DENND1A: variants seen among roughly 807,000 people sequenced by gnomAD.
DENND1A encodes DENN domain-containing protein 1A.
In DENND1A, 51 loss-of-function variants were observed where a neutral mutation model predicts 113.7. The observed-to-expected ratio is 0.45, with a 90% CI of 0.36 to 0.57. The LOEUF is 0.57. Among genes scored for constraint, DENND1A ranks in the 20% least tolerant of loss-of-function variants. The probability of loss-of-function intolerance (pLI) is 0.00; values close to 1 mark genes in which losing one functional copy is unlikely to be tolerated. For synonymous variants in DENND1A, 565 were observed against 570.8 expected (o/e 0.99, Z 0.14); for missense variants, 1,258 against 1,395.9 (o/e 0.90, Z 1.57).
intron 1 of DENND1A, among the ~76,000 whole-genome samples, chr9:123,927,834 G>C (rs1588298040): frequency 6.6e-6 from 1 of 152,188 alleles, no homozygotes; most frequent in African/African-American, 2.4e-5. Context: ...AGGAGGGAAA[G>C]CCAGCCAGTA....
intron 13 of DENND1A, among the ~76,000 whole-genome samples, chr9:123,547,437 G>C (rs956451314): frequency 6.6e-6 from 1 of 152,226 alleles, no homozygotes; most frequent in Non-Finnish European, 1.5e-5. Flanking sequence ...GCTGAGGCAG[G>C]AGAATCACTT....
chr9:123,927,079 T>C (rs913702769), intron 1 of DENND1A, among the ~76,000 whole-genome samples: 5 of 152,140 alleles, frequency 3.3e-5, no homozygotes, highest in Admixed American at 6.5e-5. Flanking sequence ...GGTTAATAAA[T>C]AGCATCGCCA....
intron 10 of DENND1A, among the ~76,000 whole-genome samples, chr9:123,626,223 G>A (rs865814269): frequency 9.2e-5 from 14 of 152,124 alleles, no homozygotes; most frequent in Admixed American, 3.9e-4. Context: ...CACATCTGGC[G>A]TGTGGTGTGT....
chr9:123,789,269 A>G (rs1832656422), intron 3 of DENND1A, among the ~76,000 whole-genome samples: 1 of 152,094 alleles, frequency 6.6e-6, no homozygotes, highest in African/African-American at 2.4e-5. Flanking sequence ...AAAATGGGGC[A>G]CAGAGAAATC....
At chr9:123,805,437 A>ATTT (rs569118785) in intron 2 of DENND1A, among the ~76,000 whole-genome samples, 3 of 145,862 alleles carry the variant, frequency 2.1e-5, no homozygotes, top group Admixed American at 6.9e-5. Flanking sequence ...AATTTATACA[A>ATTT]TTTTTTTTTT....
chr9:123,583,206 G>A lies in DENND1A; in HGVS notation c.830C>T (p.Thr277Ile), dbSNP rs757114466. 1 of 1,612,820 alleles carries A rather than the reference G, an allele frequency of 6.2e-7. No individual in the cohort carries two copies. Among genetic ancestry groups the A allele is most frequent in the Admixed American group, 1.7e-5 (1 of 59,916 alleles). ...ILNVDTNTLE[T>I]PFDDLQSLPN... ...GAGGCTCTGGAGGTCATCGAAGGGG[G>A]TTTCCAGGGTGTTGGTGTCCACATT... The change falls in exon 12 of 24, where the codon ACC becomes ATC. Residue 277 changes from threonine (T) to isoleucine (I), a missense_variant. Physicochemically the swap from Thr to Ile is moderately conservative, Grantham distance 89 (BLOSUM62 -1). Around this residue, in one of 2 missense-constraint regions of DENND1A, gnomAD observed 1,159 missense variants for 1,231.7 expected, o/e 0.94. Transcript: ENST00000394215.
intron 2 of DENND1A, among the ~76,000 whole-genome samples, chr9:123,875,898 C>G (rs1299328332): frequency 2.0e-5 from 3 of 152,172 alleles, no homozygotes; most frequent in Non-Finnish European, 2.9e-5. Context: ...AGCATCAGGC[C>G]AAGGCAGGGG....
intron 17 of DENND1A, 52 bp from the exon 18 acceptor site, chr9:123,450,801 A>T (rs1322145182): frequency 6.8e-6 from 10 of 1,477,330 alleles, no homozygotes; most frequent in Non-Finnish European, 9.3e-6. Context: ...TCCAGCAGGG[A>T]CTATGCTTGA....
At chr9:123,877,789 T>C (rs970511479) in intron 2 of DENND1A, among the ~76,000 whole-genome samples, 1 of 152,084 alleles carries the variant, frequency 6.6e-6, no homozygotes, top group Admixed American at 6.5e-5. Flanking sequence ...GCCATTGCAC[T>C]CCAGCCTGGG....
At chr9:123,651,861 A>C (rs1323567394) in intron 9 of DENND1A, 152 bp downstream of exon 9, 1 of 586,764 alleles carries the variant, frequency 1.7e-6, no homozygotes, top group African/African-American at 2.1e-5. Flanking sequence ...GCACTGTAAA[A>C]AAAAAAAAAT....
chr9:123,691,962 G>A (rs796641073), intron 5 of DENND1A, among the ~76,000 whole-genome samples: 10 of 152,302 alleles, frequency 6.6e-5, no homozygotes, highest in African/African-American at 2.4e-4. Flanking sequence ...TTGTTAGGCA[G>A]AGGGTTGCCT....
intron 2 of DENND1A, among the ~76,000 whole-genome samples, chr9:123,868,281 G>A (rs935354984): frequency 6.6e-6 from 1 of 152,230 alleles, no homozygotes; most frequent in African/African-American, 2.4e-5. Context: ...AAGAACTTAA[G>A]TTTTAATGGA....
chr9:123,843,175 G>T, intron 2 of DENND1A: 3 of 551,184 alleles, frequency 5.4e-6, no homozygotes, highest in Non-Finnish European at 1.1e-5. Flanking sequence ...TTGTGCATAT[G>T]TTCTGGTTTT....
chr9:123,734,299 A>G (rs1004586294), intron 5 of DENND1A, among the ~76,000 whole-genome samples: 1 of 152,232 alleles, frequency 6.6e-6, no homozygotes, highest in Non-Finnish European at 1.5e-5. Flanking sequence ...ATTCAGAGGA[A>G]ATTGCCTGTT....
intron 5 of DENND1A, among the ~76,000 whole-genome samples, chr9:123,728,918 A>G (rs571962381): frequency 3.9e-4 from 60 of 152,324 alleles, no homozygotes; most frequent in Non-Finnish European, 7.1e-4. Flanking sequence ...CTTATCCACC[A>G]CGATCAAGTC....
intron 1 of DENND1A, among the ~76,000 whole-genome samples, chr9:123,888,161 G>C (rs991074594): frequency 6.6e-6 from 1 of 152,164 alleles, no homozygotes; most frequent in Non-Finnish European, 1.5e-5. Context: ...GAACGTGCTA[G>C]ATGAACTTGG....
intron 1 of DENND1A, among the ~76,000 whole-genome samples, chr9:123,926,702 ACTCGGTCTTAATTAGAATC>A (rs1857169413): frequency 6.6e-6 from 1 of 151,874 alleles, no homozygotes; most frequent in African/African-American, 2.4e-5. Flanking sequence ...TAAACACTCA[ACTCGGTCTTAATTAGAATC>A]TTAATATAGA....
At chr9:123,553,410 C>T (rs750774024) in intron 13 of DENND1A, among the ~76,000 whole-genome samples, 34 of 151,360 alleles carry the variant, frequency 2.2e-4, no homozygotes, top group Non-Finnish European at 4.0e-4. Context: ...GCCCCCCCCC[C>T]GCTCCTCATC....
intron 5 of DENND1A, among the ~76,000 whole-genome samples, chr9:123,707,329 G>C (rs1236573191): frequency 6.6e-6 from 1 of 151,994 alleles, no homozygotes; most frequent in African/African-American, 2.4e-5. Context: ...GGGAGGCGGA[G>C]GTTGCAGTGA....
Sources: allele counts gnomAD v4.1 joint callset (sites outside exome capture counted in the v4.1 genomes callset), GRCh38; gene constraint gnomAD v4.1.1; regional missense constraint gnomAD v4.1.1; transcripts MANE v1.5; gene names NCBI Gene and HGNC (gene_info 2026-07-23, HGNC 2026-07-21).